The following A2M variants were observed in gnomAD, a reference collection of about 807,000 sequenced individuals.
A2M encodes the protein C3 and PZP-like alpha-2-macroglobulin domain-containing protein 5.
In A2M, 128 loss-of-function variants were observed where a neutral mutation model predicts 183.9. That is an observed-to-expected ratio of 0.70 (90% CI 0.60 to 0.81). The LOEUF (loss-of-function observed/expected upper bound fraction) is 0.81, where lower values mean the gene tolerates loss of function less well. A2M is among the 30% of genes least tolerant of loss of function. The pLI is 0.00. For synonymous variants in A2M, 592 were observed against 670.8 expected (o/e 0.88, Z 1.81); for missense variants, 1,495 against 1,787.6 (o/e 0.84, Z 2.95).
At chr12:9,109,761 A>AT (rs1265890401) in intron 6 of A2M, 106 bp downstream of exon 6, 14 of 1,144,594 alleles carry the variant, frequency 1.2e-5, no homozygotes, top group Non-Finnish European at 1.7e-5. Context: ...TCCAAGCCCA[A>AT]TGTCACCCAT....
Position 9,068,847 on chromosome 12 carries a change from A to C in A2M, c.4264-5T>G. ...GCTCAGTGTCTGATTTGACACCTGG[A>C]AAGCAAAAGTCAATTAAATGACCTT... On this transcript the variant is annotated splice_region_variant and splice_polypyrimidine_tract_variant and intron_variant, in intron 33 of 35. Transcript: ENST00000318602. The C allele has an allele frequency of 6.3e-7, 1 of 1,580,302 alleles. No individual in the cohort carries two copies. The highest frequency in any genetic ancestry group is 8.6e-7 in the Non-Finnish European group (1 of 1,162,046).
At chr12:9,083,993 G>A (rs1304484226) in intron 22 of A2M, among the ~76,000 whole-genome samples, 2 of 152,118 alleles carry the variant, frequency 1.3e-5, no homozygotes, top group African/African-American at 4.8e-5. Context: ...ATTTTTAGCA[G>A]TAACCCGGCA....
intron 22 of A2M, among the ~76,000 whole-genome samples, chr12:9,082,078 T>G (rs957380300): frequency 1.3e-5 from 2 of 152,202 alleles, no homozygotes; most frequent in African/African-American, 4.8e-5. Flanking sequence ...CTCTGTGTAT[T>G]TCATAGAAGT....
chr12:9,068,133 G>A (rs7955940), intron 35 of A2M, 50 bp downstream of exon 35: 541,941 of 1,591,482 alleles, frequency 0.34, 97,589 homozygotes, highest in African/African-American at 0.53. Context: ...GGTTTGGGGG[G>A]CAAGCTGAAG....
intron 10 of A2M, 61 bp downstream of exon 10, chr12:9,106,175 A>T (rs929871323): frequency 8.2e-6 from 8 of 977,606 alleles, no homozygotes; most frequent in Middle Eastern, 2.1e-4. Flanking sequence ...CACAAACCAT[A>T]ACTATTGTGC....
intron 5 of A2M, 61 bp downstream of exon 5, chr12:9,110,253 A>G: frequency 7.5e-7 from 1 of 1,328,476 alleles, no homozygotes; most frequent in African/African-American, 1.5e-5. Flanking sequence ...CCTCTGAAAT[A>G]AGAACATTTT....
intron 15 of A2M, 86 bp from the exon 16 acceptor site, chr12:9,095,786 T>C (rs1388815885): frequency 8.2e-7 from 1 of 1,221,874 alleles, no homozygotes; most frequent in Admixed American, 2.9e-5. Flanking sequence ...GGAGTCTCGC[T>C]CTGTCGCCCA....
intron 18 of A2M, among the ~76,000 whole-genome samples, chr12:9,093,063 G>A (rs1289016437): frequency 1.3e-5 from 2 of 152,164 alleles, no homozygotes; most frequent in African/African-American, 4.8e-5. Flanking sequence ...GAATACATAG[G>A]AACAGAGAGT....
intron 4 of A2M, among the ~76,000 whole-genome samples, chr12:9,110,578 T>A (rs1486903120): frequency 6.6e-6 from 1 of 151,726 alleles, no homozygotes; most frequent in African/African-American, 2.4e-5. Flanking sequence ...ATAATCATTA[T>A]CCATGATTGG....
At chr12:9,086,906 G>A (rs1949067795) in intron 22 of A2M, among the ~76,000 whole-genome samples, 1 of 152,010 alleles carries the variant, frequency 6.6e-6, no homozygotes, top group Non-Finnish European at 1.5e-5. Context: ...TTCACCAAAG[G>A]GCTGCAAGAA....
intron 22 of A2M, among the ~76,000 whole-genome samples, chr12:9,088,610 C>T (rs1007119642): frequency 5.9e-5 from 9 of 152,170 alleles, no homozygotes; most frequent in African/African-American, 2.2e-4. Flanking sequence ...GATGTTGATT[C>T]AATGTTGGTT....
At chr12:9,088,637 T>G (rs1949118173) in intron 22 of A2M, among the ~76,000 whole-genome samples, 1 of 152,148 alleles carries the variant, frequency 6.6e-6, no homozygotes, top group South Asian at 2.1e-4. Flanking sequence ...GAGAATGCAT[T>G]GTGCTGATAA....
At chr12:9,070,190 A>G (rs141307160) in intron 32 of A2M, among the ~76,000 whole-genome samples, 2,251 of 152,106 alleles carry the variant, frequency 0.015, 21 homozygotes, top group Middle Eastern at 0.027. Flanking sequence ...TCATTTTCAT[A>G]TTTTTCACTG....
rs763481423 is a variant in A2M at position 9,077,416 on chromosome 12, C to T, written c.3281G>A (p.Gly1094Glu). ...GSLLNNAIKG[G>E]VEDEVTLSAY... is the part of the protein sequence containing the mutation. ...GGAGAGGGTCACTTCATCTTCTACT[C>T]CTCCCTGTGAATACGAGAGAGAGAT... The change falls in exon 27 of 36, where the codon GGA becomes GAA. Residue 1094 changes from glycine (G) to glutamate (E), a missense_variant. Physicochemically the swap from Gly to Glu is moderately conservative, Grantham distance 98 (BLOSUM62 -2). Coordinates refer to ENST00000318602, the MANE Select transcript of A2M (RefSeq NM_000014.6). 4 of 1,612,534 alleles carry T rather than the reference C, an allele frequency of 2.5e-6. No individual in the cohort carries two copies. The highest frequency in any genetic ancestry group is 1.7e-5 in the Admixed American group (1 of 59,830).
At position 9,079,324 on chromosome 12, in the gene A2M, C is replaced by A; in HGVS notation, c.3039G>T (p.Gln1013His). The A allele has an allele frequency of 6.2e-7, 1 of 1,613,568 alleles. No homozygotes were observed. The highest frequency in any genetic ancestry group is 8.5e-7 in the Non-Finnish European group (1 of 1,179,686). ...CATAGTGTTTGTAGTTCAACTGTCT[C>A]TGGTAACCTGGAAAGGAAGATTAAC... ...KAIGYLNTGY[Q>H]RQLNYKHYDG... Residue 1013 changes from glutamine to histidine, a missense_variant, in exon 25 of 36, where the codon CAG becomes CAT. By Grantham distance (24) the Gln-to-His change is conservative. Transcript: ENST00000318602.
Position 9,104,437 on chromosome 12 carries a change from A to G in A2M, c.1105-37T>C, listed in dbSNP as rs753749883. 22 of 1,550,460 alleles carry G rather than the reference A, an allele frequency of 1.4e-5. No individual in the cohort carries two copies. In the African/African-American group the frequency reaches 2.2e-4, roughly 15 times the overall value. ...AAGCTGTGGATTAGTTATATTGGTA[A>G]TAACTAATAGGCACCAAACATATTC... On this transcript the variant is annotated intron_variant, in intron 10 of 35. Coordinates refer to ENST00000318602, the MANE Select transcript of A2M (RefSeq NM_000014.6).
Position 9,077,771 on chromosome 12 carries a change from CAT to C in A2M, c.3204_3205del (p.Ile1068MetfsTer30). On this transcript the variant is annotated frameshift_variant, in exon 26 of 36. Coordinates refer to ENST00000318602, the MANE Select transcript of A2M (RefSeq NM_000014.6). LOFTEE classifies it high-confidence loss of function. ...ATTGTCCTTCTGCCTCTGGGAGAGC[CAT>C]ATGAGGGCTTGGGTAATGTGTGCTT... is the stretch of plus-strand genomic sequence containing the variant. The C allele has an allele frequency of 6.2e-7, 1 of 1,614,156 alleles. No individual in the cohort carries two copies. The highest frequency in any genetic ancestry group is 8.5e-7 in the Non-Finnish European group (1 of 1,180,026).
chr12:9,105,515 C>T (rs1275846964), intron 10 of A2M, among the ~76,000 whole-genome samples: 1 of 152,130 alleles, frequency 6.6e-6, no homozygotes, highest in Non-Finnish European at 1.5e-5. Flanking sequence ...GTAACATTTA[C>T]ATTAAGAAAA....
chr12:9,071,868 GGAGA>G (rs1336009199), intron 31 of A2M, among the ~76,000 whole-genome samples: 4 of 152,102 alleles, frequency 2.6e-5, no homozygotes, highest in African/African-American at 9.7e-5. Context: ...ATATGTTTGT[GGAGA>G]GAGAGTTTTT....
Sources: gnomAD v4.1 joint callset for allele counts (sites outside exome capture counted in the v4.1 genomes callset) on GRCh38, gnomAD v4.1.1 for gene constraint, MANE v1.5 for transcripts, NCBI Gene and HGNC (gene_info 2026-07-23, HGNC 2026-07-21) for gene names.